The following SMYD3 variants were observed in gnomAD, a reference collection of about 807,000 sequenced individuals.
SMYD3 encodes SET and MYND domain containing 3, also known as histone-lysine N-methyltransferase SMYD3.
In SMYD3, 36 loss-of-function variants were observed where a neutral mutation model predicts 57.7. That is an observed-to-expected ratio of 0.62 (90% CI 0.48 to 0.82). The LOEUF is 0.82. SMYD3 is among the 40% of genes least tolerant of loss of function. The pLI is 0.00. For synonymous variants in SMYD3, 211 were observed against 195.0 expected, an observed-to-expected ratio of 1.08 and a Z score of -0.68; for missense variants, 515 against 538.8, an observed-to-expected ratio of 0.96 and a Z score of 0.44.
At position 246,124,348 on chromosome 1, in the gene SMYD3, A is replaced by AAAAGAAAG. The variant is rs34299909; in HGVS notation, c.532-194419_532-194412dup. 2.0e-4 allele frequency among the ~76,000 whole-genome samples: 30 copies of AAAAGAAAG among 152,056 alleles called. No homozygotes were observed. In the East Asian group the frequency reaches 2.7e-3, roughly 14 times the overall value. Reference sequence around the variant, plus strand: ...CCAAATGAATGAATGAATGAATAAAAAAAGAAAGAAAGAAAGAAAGAAAAG... The same window carrying AAAAGAAAG: ...CCAAATGAATGAATGAATGAATAAAAAAAGAAAGAAAGAAAGAAAGAAAGAAAGAAAAG... On this transcript the variant is annotated intron_variant, in intron 5 of 11. Coordinates refer to ENST00000490107, the MANE Select transcript of SMYD3 (RefSeq NM_001167740.2).
intron 5 of SMYD3, among the ~76,000 whole-genome samples, chr1:246,055,589 G>A (rs1283503127): frequency 6.6e-6 from 1 of 152,196 alleles, no homozygotes; most frequent in Non-Finnish European, 1.5e-5. Flanking sequence ...ATAGCCAGAA[G>A]GTGGACATAA....
At chr1:246,177,815 T>C (rs77920536) in intron 5 of SMYD3, among the ~76,000 whole-genome samples, 3,719 of 152,216 alleles carry the variant, frequency 0.024, 208 homozygotes, top group East Asian at 0.22. Flanking sequence ...GATTCAGATA[T>C]TAAGTAGAGC....
At chr1:246,294,868 G>A (rs545983627) in intron 5 of SMYD3, among the ~76,000 whole-genome samples, 4 of 152,188 alleles carry the variant, frequency 2.6e-5, no homozygotes, top group African/African-American at 9.6e-5. Context: ...CAAAGTGTTG[G>A]GATTACAGGC....
At chr1:246,106,493 G>GT (rs76396474) in intron 5 of SMYD3, among the ~76,000 whole-genome samples, 26,819 of 152,186 alleles carry the variant, frequency 0.18, 3,034 homozygotes, top group East Asian at 0.41. Context: ...GATCGCCTCT[G>GT]TATCTGCCAA....
At chr1:246,361,729 T>C (rs570280619) in intron 1 of SMYD3, among the ~76,000 whole-genome samples, 3 of 152,262 alleles carry the variant, frequency 2.0e-5, no homozygotes, top group Admixed American at 6.5e-5. Flanking sequence ...CTCACTCATA[T>C]GTGGGAGCTA....
intron 10 of SMYD3, among the ~76,000 whole-genome samples, chr1:245,837,170 T>C (rs1404622279): frequency 1.4e-5 from 2 of 142,626 alleles, no homozygotes; most frequent in East Asian, 2.1e-4. Context: ...CTACTAAAAA[T>C]ACAAAAATGA....
chr1:246,282,315 A>AAAAAAAAAAAAAC, intron 5 of SMYD3, among the ~76,000 whole-genome samples: 1 of 44,244 alleles, frequency 2.3e-5, no homozygotes, highest in African/African-American at 5.4e-5. Flanking sequence ...CAAAAAAAAA[A>AAAAAAAAAAAAAC]AAAAAAAAAA....
intron 11 of SMYD3, among the ~76,000 whole-genome samples, chr1:245,752,666 G>A (rs6658838): frequency 0.046 from 6,951 of 152,238 alleles, 479 homozygotes; most frequent in African/African-American, 0.15. Context: ...GGAAGGGGCA[G>A]ACCTGCCCAT....
intron 9 of SMYD3, among the ~76,000 whole-genome samples, chr1:245,860,757 G>A (rs1043105539): frequency 1.1e-4 from 16 of 152,210 alleles, no homozygotes; most frequent in Non-Finnish European, 1.6e-4. Context: ...CTTAGGCAAC[G>A]CACTGATTTT....
chr1:246,155,755 G>T (rs12737899), intron 5 of SMYD3, among the ~76,000 whole-genome samples: 78,484 of 151,928 alleles, frequency 0.52, 24,849 homozygotes, highest in Non-Finnish European at 0.72. Context: ...CGAGGCAGGT[G>T]GATCACTTGA....
At chr1:246,237,942 G>A (rs961807914) in intron 5 of SMYD3, among the ~76,000 whole-genome samples, 2 of 152,110 alleles carry the variant, frequency 1.3e-5, no homozygotes, top group Non-Finnish European at 2.9e-5. Context: ...AACTAGGAAA[G>A]TAATACATGC....
chr1:245,779,523 T>C (rs1054852530), intron 10 of SMYD3, among the ~76,000 whole-genome samples: 1 of 152,236 alleles, frequency 6.6e-6, no homozygotes, highest in Non-Finnish European at 1.5e-5. Context: ...TGTGGAAGTA[T>C]ATATGCATTT....
At chr1:245,804,553 G>A (rs772230486) in intron 10 of SMYD3, among the ~76,000 whole-genome samples, 17 of 152,154 alleles carry the variant, frequency 1.1e-4, no homozygotes, top group African/African-American at 2.2e-4. Flanking sequence ...GCGAGACTCC[G>A]TCTCAAAACA....
chr1:246,023,718 G>A (rs558559450), intron 5 of SMYD3, among the ~76,000 whole-genome samples: 2 of 152,128 alleles, frequency 1.3e-5, no homozygotes, highest in African/African-American at 4.8e-5. Context: ...ACAGGGGCGT[G>A]AGTTCAAATC....
intron 5 of SMYD3, among the ~76,000 whole-genome samples, chr1:246,245,592 C>A: frequency 6.8e-6 from 1 of 146,150 alleles, no homozygotes; most frequent in South Asian, 2.4e-4. Context: ...TTTTACAAAT[C>A]AAAACAAAAG....
At chr1:246,205,074 T>C (rs2062977392) in intron 5 of SMYD3, among the ~76,000 whole-genome samples, 1 of 152,230 alleles carries the variant, frequency 6.6e-6, no homozygotes, top group South Asian at 2.1e-4. Context: ...TCTTCTCATC[T>C]GTCACTTCAC....
At chr1:246,407,789 C>A (rs902258454) in intron 1 of SMYD3, among the ~76,000 whole-genome samples, 14 of 151,894 alleles carry the variant, frequency 9.2e-5, no homozygotes, top group Non-Finnish European at 1.6e-4. Flanking sequence ...TTGCAGTGAG[C>A]CGAGATCACG....
intron 10 of SMYD3, among the ~76,000 whole-genome samples, chr1:245,792,244 A>G (rs2047309863): frequency 6.6e-6 from 1 of 152,192 alleles, no homozygotes; most frequent in Non-Finnish European, 1.5e-5. Flanking sequence ...TAATCCTCAC[A>G]GTAAGGTAAA....
intron 5 of SMYD3, among the ~76,000 whole-genome samples, chr1:246,028,887 C>A (rs1206810741): frequency 1.3e-5 from 2 of 152,110 alleles, no homozygotes; most frequent in African/African-American, 4.8e-5. Context: ...AACAAACACA[C>A]AAACCATTAG....
Sources: allele counts gnomAD v4.1 joint callset (sites outside exome capture counted in the v4.1 genomes callset), GRCh38; gene constraint gnomAD v4.1.1; transcripts MANE v1.5; gene names NCBI Gene and HGNC (gene_info 2026-07-23, HGNC 2026-07-21).